UNC5D: variants seen among roughly 807,000 people sequenced by gnomAD.
UNC5D encodes the protein netrin receptor UNC5D.
UNC5D carries 39 observed loss-of-function variants against 105.4 expected under a neutral mutation model. That is an observed-to-expected ratio of 0.37 (90% CI 0.29 to 0.48). The LOEUF (loss-of-function observed/expected upper bound fraction) is 0.48, where lower values mean the gene tolerates loss of function less well. Among genes scored for constraint, UNC5D ranks in the 20% least tolerant of loss-of-function variants. The pLI is 0.98. For synonymous variants in UNC5D, 452 were observed against 450.4 expected, an observed-to-expected ratio of 1.00 and a Z score of -0.04; for missense variants, 991 against 1,202.4, an observed-to-expected ratio of 0.82 and a Z score of 2.60.
At chr8:35,777,482 C>G (rs892171538) in intron 16 of UNC5D, among the ~76,000 whole-genome samples, 2 of 152,160 alleles carry the variant, frequency 1.3e-5, no homozygotes, top group African/African-American at 2.4e-5. Flanking sequence ...CATTCCCTAC[C>G]TTTCTCTTTA....
intron 11 of UNC5D, among the ~76,000 whole-genome samples, chr8:35,743,793 A>AT (rs1028487732): frequency 6.6e-6 from 1 of 152,042 alleles, no homozygotes; most frequent in East Asian, 1.9e-4. Flanking sequence ...GCATATGTGT[A>AT]TTTTTTAACC....
intron 1 of UNC5D, among the ~76,000 whole-genome samples, chr8:35,347,285 G>T (rs939216486): frequency 3.9e-5 from 6 of 152,096 alleles, no homozygotes; most frequent in Non-Finnish European, 5.9e-5. Context: ...AGTGGGCTTT[G>T]TAGGGTGTGT....
At chr8:35,480,553 G>A (rs1810418443) in intron 1 of UNC5D, among the ~76,000 whole-genome samples, 1 of 152,026 alleles carries the variant, frequency 6.6e-6, no homozygotes, top group African/African-American at 2.4e-5. Context: ...ACTTGTTATT[G>A]CAAAACAAAA....
chr8:35,778,005 T>C (rs1329595949), intron 16 of UNC5D, among the ~76,000 whole-genome samples: 1 of 152,192 alleles, frequency 6.6e-6, no homozygotes, highest in Non-Finnish European at 1.5e-5. Context: ...AACTAAGCTG[T>C]CTTTGTTCTG....
intron 1 of UNC5D, among the ~76,000 whole-genome samples, chr8:35,423,577 A>G (rs1350399167): frequency 6.6e-6 from 1 of 152,182 alleles, no homozygotes; most frequent in Non-Finnish European, 1.5e-5. Flanking sequence ...CGGTGTAATA[A>G]ACAGGAAAAT....
In UNC5D at chr8:35,361,988, C is replaced by T. The variant is rs570526681; in HGVS notation, c.103+126101C>T. Among the ~76,000 whole-genome samples the T allele has an allele frequency of 1.6e-4, 25 of 152,112 alleles. No individual in the cohort carries two copies. The South Asian group carries it at 2.1e-3, about 13-fold the overall frequency. ...TTCCAATTAAAATTGGTAAACCTTA[C>T]GCAATTAGTGGCAAATAAAATCTTG... On this transcript the variant is annotated intron_variant, in intron 1 of 16. Transcript: ENST00000404895.
intron 1 of UNC5D, among the ~76,000 whole-genome samples, chr8:35,405,937 C>T (rs1285908265): frequency 6.6e-6 from 1 of 151,994 alleles, no homozygotes; most frequent in Non-Finnish European, 1.5e-5. Context: ...TAGCTGTATT[C>T]TAGGTTTGCA....
chr8:35,768,013 C>A lies in UNC5D; in HGVS notation c.2478+947C>A, dbSNP rs555359136. ...CACTTATAAAATAAATATATATATA[C>A]ATATATGCATTTATTAATATATAAA... On this transcript the variant is annotated intron_variant, in intron 15 of 16. Transcript: ENST00000404895. 2.7e-5 allele frequency among the ~76,000 whole-genome samples: 4 copies of A among 149,394 alleles called. No individual in the cohort carries two copies. In the South Asian group the frequency reaches 6.3e-4, roughly 23 times the overall value.
In UNC5D at chr8:35,683,744, G is replaced by A. The variant is rs774937164; in HGVS notation, c.751+17G>A. On this transcript the variant is annotated intron_variant, in intron 5 of 16. Coordinates refer to ENST00000404895, the MANE Select transcript of UNC5D (RefSeq NM_080872.4). ...TGGTCTACGGTAAGACCATTCCAAA[G>A]GCCAGGAATGGATAGGGAGGGCAGA... The A allele has an allele frequency of 1.8e-5, 26 of 1,472,702 alleles. 1 individual carries two copies. In the South Asian group the frequency reaches 2.6e-4, roughly 15 times the overall value. The allele number at this position is 1,472,702 out of a possible 1,614,324, so 91.2% of individuals were successfully genotyped here.
At chr8:35,238,273 A>G (rs1234249871) in intron 1 of UNC5D, among the ~76,000 whole-genome samples, 1 of 152,104 alleles carries the variant, frequency 6.6e-6, no homozygotes, top group Non-Finnish European at 1.5e-5. Context: ...ATACTTATGT[A>G]GAAACCTCTG....
intron 1 of UNC5D, among the ~76,000 whole-genome samples, chr8:35,548,197 T>G (rs1251571696): frequency 1.3e-5 from 2 of 152,130 alleles, no homozygotes; most frequent in African/African-American, 4.8e-5. Flanking sequence ...TTTGCATCCT[T>G]CCATCCAATC....
At chr8:35,392,853 G>T (rs1345208444) in intron 1 of UNC5D, among the ~76,000 whole-genome samples, 5 of 152,100 alleles carry the variant, frequency 3.3e-5, no homozygotes, top group Non-Finnish European at 2.9e-5. Context: ...CTATCTCATG[G>T]TATAGATAAT....
chr8:35,774,571 T>C (rs896510835), intron 16 of UNC5D, 94 bp downstream of exon 16: 11 of 1,454,254 alleles, frequency 7.6e-6, no homozygotes, highest in Admixed American at 2.2e-5. Context: ...TGAGCCCTAA[T>C]ATTTTTATGA....
chr8:35,610,331 G>A (rs541884767), intron 4 of UNC5D, among the ~76,000 whole-genome samples: 86 of 152,256 alleles, frequency 5.6e-4, no homozygotes, highest in Admixed American at 1.2e-3. Context: ...GCCAATGATA[G>A]TCTCTCTGCC....
chr8:35,328,986 C>G (rs1673829309), intron 1 of UNC5D, among the ~76,000 whole-genome samples: 1 of 152,166 alleles, frequency 6.6e-6, no homozygotes, highest in Non-Finnish European at 1.5e-5. Context: ...TCAATCTCTA[C>G]TCACAGTTGT....
intron 1 of UNC5D, among the ~76,000 whole-genome samples, chr8:35,387,007 G>C (rs1803444107): frequency 8.2e-6 from 1 of 121,922 alleles, no homozygotes. Flanking sequence ...TGGATGGTGA[G>C]AAGGAATTCC....
At chr8:35,439,907 G>A (rs1008665596) in intron 1 of UNC5D, among the ~76,000 whole-genome samples, 15 of 151,968 alleles carry the variant, frequency 9.9e-5, no homozygotes, top group Non-Finnish European at 1.5e-4. Flanking sequence ...TCAGGATGGC[G>A]TATTTCACTT....
At chr8:35,731,431 G>A (rs796409619) in intron 11 of UNC5D, among the ~76,000 whole-genome samples, 23 of 136,892 alleles carry the variant, frequency 1.7e-4, no homozygotes, top group African/African-American at 6.1e-4. Context: ...AAAAAAAAAG[G>A]GCATTTTAAA....
intron 13 of UNC5D, among the ~76,000 whole-genome samples, chr8:35,753,589 T>G (rs372080667): frequency 6.6e-6 from 1 of 152,348 alleles, no homozygotes; most frequent in African/African-American, 2.4e-5. Context: ...CTCTTTAATT[T>G]TGCTTTAGAA....
Sources: gnomAD v4.1 joint callset for allele counts (sites outside exome capture counted in the v4.1 genomes callset) on GRCh38, gnomAD v4.1.1 for gene constraint, MANE v1.5 for transcripts, NCBI Gene and HGNC (gene_info 2026-07-23, HGNC 2026-07-21) for gene names.